ADARB2: variants seen among roughly 807,000 people sequenced by gnomAD.
ADARB2 encodes inactive double-stranded RNA-specific editase B2.
Under a neutral mutation model 62.2 loss-of-function variants are expected in ADARB2, and 25 were observed. The observed-to-expected ratio is 0.40, with a 90% CI of 0.29 to 0.56. The LOEUF (loss-of-function observed/expected upper bound fraction) is 0.56, where lower values mean the gene tolerates loss of function less well. Ranked by LOEUF, ADARB2 falls within the 20% of genes least tolerant of loss-of-function variation. The pLI is 0.43. For synonymous variants in ADARB2, 572 were observed against 500.8 expected, an observed-to-expected ratio of 1.14 and a Z score of -1.90; for missense variants, 1,071 against 1,077.4, an observed-to-expected ratio of 0.99 and a Z score of 0.08.
chr10:1,250,205 TA>T (rs745797841), intron 4 of ADARB2, among the ~76,000 whole-genome samples: 3 of 151,710 alleles, frequency 2.0e-5, no homozygotes, highest in Non-Finnish European at 4.4e-5. Flanking sequence ...GACACCTGGT[TA>T]AAAAGTATAA....
chr10:1,526,409 TC>T (rs1174677356), intron 1 of ADARB2, among the ~76,000 whole-genome samples: 1 of 151,500 alleles, frequency 6.6e-6, no homozygotes, highest in East Asian at 1.9e-4. Context: ...TGAAACGTGA[TC>T]CCCAGTGTTG....
chr10:1,340,729 C>G (rs566239682), intron 3 of ADARB2, among the ~76,000 whole-genome samples: 84 of 142,304 alleles, frequency 5.9e-4, no homozygotes, highest in Middle Eastern at 4.0e-3. Context: ...CCCACAGCGG[C>G]AATAACCAGC....
At chr10:1,528,913 C>T (rs185490812) in intron 1 of ADARB2, among the ~76,000 whole-genome samples, 311 of 152,246 alleles carry the variant, frequency 2.0e-3, no homozygotes, top group African/African-American at 7.1e-3. Context: ...TGGACTCGTC[C>T]TGCCCCTGTG....
At chr10:1,437,207 T>TA (rs1471905573) in intron 1 of ADARB2, among the ~76,000 whole-genome samples, 1 of 152,072 alleles carries the variant, frequency 6.6e-6, no homozygotes, top group Admixed American at 6.6e-5. Flanking sequence ...CTTCCAAAAA[T>TA]AATTTGGTAT....
chr10:1,640,399 C>T (rs916151655), intron 1 of ADARB2, among the ~76,000 whole-genome samples: 3 of 152,114 alleles, frequency 2.0e-5, no homozygotes, highest in Non-Finnish European at 2.9e-5. Context: ...ATAAACAGAA[C>T]TAATTCTACC....
chr10:1,666,188 G>GGAGGGAGAGGAAGACCCCGCTGGAGC (rs1834314298), intron 1 of ADARB2, among the ~76,000 whole-genome samples: 1 of 152,250 alleles, frequency 6.6e-6, no homozygotes, highest in South Asian at 2.1e-4. Flanking sequence ...CATAGAACCG[G>GGAGGGAGAGGAAGACCCCGCTGGAGC]GAGGGAGAGG....
chr10:1,268,447 A>G (rs961908844), intron 4 of ADARB2, among the ~76,000 whole-genome samples: 1 of 151,100 alleles, frequency 6.6e-6, no homozygotes, highest in African/African-American at 2.4e-5. Flanking sequence ...AACTTTCAGG[A>G]GCTAATAAAT....
In ADARB2 at chr10:1,704,791, G is replaced by A. The variant is rs1410974116; in HGVS notation, c.100+32260C>T. ...CAGAATGATAAAAAAGCTAGTGTGG[G>A]TCAAGATGTTAAAGGGGCAGGGAGT... is the stretch of plus-strand genomic sequence containing the variant. On this transcript the variant is annotated intron_variant, in intron 1 of 9. Transcript: ENST00000381312. The surrounding 1 kb of genome is among the most constrained non-coding windows in gnomAD (Gnocchi z 5.6). Among the ~76,000 whole-genome samples, 1 of 152,188 alleles carries A rather than the reference G, an allele frequency of 6.6e-6. No individual in the cohort carries two copies. The highest frequency in any genetic ancestry group is 1.5e-5 in the Non-Finnish European group (1 of 68,032).
intron 1 of ADARB2, among the ~76,000 whole-genome samples, chr10:1,585,903 G>A (rs1020691958): frequency 9.9e-5 from 15 of 152,098 alleles, no homozygotes; most frequent in South Asian, 4.1e-4. Context: ...GTGGGGTGGC[G>A]GGCGGCTGTA....
intron 1 of ADARB2, among the ~76,000 whole-genome samples, chr10:1,559,372 G>A (rs756601060): frequency 6.6e-6 from 1 of 152,180 alleles, no homozygotes; most frequent in Admixed American, 6.5e-5. Flanking sequence ...TGGTGAGGTC[G>A]GAGTCTCTCT....
chr10:1,519,677 A>G (rs1270089172), intron 1 of ADARB2, among the ~76,000 whole-genome samples: 1 of 152,186 alleles, frequency 6.6e-6, no homozygotes, highest in Non-Finnish European at 1.5e-5. Context: ...CCATATTATC[A>G]GAACATGAAA....
Position 1,660,195 on chromosome 10 carries a change from TC to T in ADARB2, c.100+76855del, listed in dbSNP as rs1190374005. 2.0e-5 allele frequency among the ~76,000 whole-genome samples: 3 copies of T among 152,200 alleles called. No homozygotes were observed. The East Asian group carries it at 5.8e-4, about 29-fold the overall frequency. On this transcript the variant is annotated intron_variant, in intron 1 of 9. Transcript: ENST00000381312. ...GGAGTGGAGCATGCAGAATAGAAGC[TC>T]CCTGTGACCGAGCCTGTGCTCACAA... is the stretch of plus-strand genomic sequence containing the variant.
intron 1 of ADARB2, among the ~76,000 whole-genome samples, chr10:1,587,346 G>C (rs1480610725): frequency 6.6e-6 from 1 of 152,174 alleles, no homozygotes; most frequent in Non-Finnish European, 1.5e-5. Flanking sequence ...AACGGCTGAG[G>C]TTCCAGTCCT....
chr10:1,301,518 A>C (rs34912221), intron 3 of ADARB2, among the ~76,000 whole-genome samples: 3,708 of 152,062 alleles, frequency 0.024, 114 homozygotes, highest in East Asian at 0.11. Context: ...TAAGAAAATC[A>C]ACCTTAAACA....
At chr10:1,490,219 G>C (rs1188247044) in intron 1 of ADARB2, among the ~76,000 whole-genome samples, 1 of 152,188 alleles carries the variant, frequency 6.6e-6, no homozygotes. Context: ...ACTTGCCCTG[G>C]AGGAAGAGTA....
intron 1 of ADARB2, among the ~76,000 whole-genome samples, chr10:1,614,414 T>C (rs1833605677): frequency 6.6e-6 from 1 of 152,248 alleles, no homozygotes; most frequent in Non-Finnish European, 1.5e-5. Context: ...GAAAAAGCAA[T>C]GATTTTATTT....
intron 1 of ADARB2, among the ~76,000 whole-genome samples, chr10:1,723,734 G>A (rs1835127438): frequency 6.6e-6 from 1 of 152,164 alleles, no homozygotes. Flanking sequence ...AAATCAAAAG[G>A]TGGAATGAAA....
At chr10:1,326,327 T>C (rs1231641113) in intron 3 of ADARB2, among the ~76,000 whole-genome samples, 1 of 152,152 alleles carries the variant, frequency 6.6e-6, no homozygotes, top group African/African-American at 2.4e-5. Context: ...ATCAGAACTA[T>C]CCAATAACTC....
intron 3 of ADARB2, among the ~76,000 whole-genome samples, chr10:1,302,990 C>T (rs1481018794): frequency 6.6e-6 from 1 of 151,298 alleles, no homozygotes; most frequent in African/African-American, 2.4e-5. Context: ...TCCAAAGGAA[C>T]ACAGCTCCTC....
Sources: gnomAD v4.1 joint callset for allele counts (sites outside exome capture counted in the v4.1 genomes callset) on GRCh38, gnomAD v4.1.1 for gene constraint, Gnocchi (gnomAD v3.1) non-coding constraint, MANE v1.5 for transcripts, NCBI Gene and HGNC (gene_info 2026-07-23, HGNC 2026-07-21) for gene names.